LDB3: variants seen among roughly 807,000 people sequenced by gnomAD.
LDB3 encodes LIM domain-binding protein 3.
Under a neutral mutation model 69.0 loss-of-function variants are expected in LDB3, and 49 were observed. That is an observed-to-expected ratio of 0.71 (90% CI 0.56 to 0.90). The LOEUF (loss-of-function observed/expected upper bound fraction) is 0.90, where lower values mean the gene tolerates loss of function less well. Among genes scored for constraint, LDB3 ranks in the 40% least tolerant of loss-of-function variants. LDB3 has a pLI of 0.00. For synonymous variants in LDB3, 387 were observed against 396.2 expected (o/e 0.98, Z 0.28); for missense variants, 928 against 974.1 (o/e 0.95, Z 0.63).
chr10:86,674,458 G>T (rs1462508906), intron 2 of LDB3, among the ~76,000 whole-genome samples: 1 of 152,148 alleles, frequency 6.6e-6, no homozygotes, highest in South Asian at 2.1e-4. Flanking sequence ...CCTTGGCCCA[G>T]CAAGGCGGAA....
chr10:86,678,327 A>ATGTC, intron 2 of LDB3, among the ~76,000 whole-genome samples: 1 of 139,526 alleles, frequency 7.2e-6, no homozygotes, highest in African/African-American at 2.7e-5. Flanking sequence ...ATGAGCCACC[A>ATGTC]CACCTGGCCA....
rs776688376 is a variant in LDB3, at chr10:86,681,450, C to T, written c.336C>T (p.Asp112=). 16 of 1,603,798 alleles carry T rather than the reference C, an allele frequency of 1.0e-5. 1 individual carries two copies. The South Asian group carries it at 1.6e-4, about 17-fold the overall frequency. The change falls in exon 5 of 14, where the codon GAC becomes GAT. Residue 112 remains aspartate, a synonymous_variant. Transcript: ENST00000361373. ...VIPHQKDPAL[D]TNGSLVAPSP... ...CCCTGTGCCAGGACCCCGCTCTGGACACGAACGGCAGCCTGGTGGCACCCA... is the reference window on the plus strand; with the variant it reads ...CCCTGTGCCAGGACCCCGCTCTGGATACGAACGGCAGCCTGGTGGCACCCA...
At chr10:86,690,541 G>C (rs897616502) in intron 5 of LDB3, among the ~76,000 whole-genome samples, 2 of 152,204 alleles carry the variant, frequency 1.3e-5, no homozygotes, top group South Asian at 2.1e-4. Flanking sequence ...ACCCAACCTC[G>C]ATCACCTTTC....
At chr10:86,667,817 A>T (rs1844239385), upstream of LDB3, among the ~76,000 whole-genome samples, 1 of 152,220 alleles carries the variant, frequency 6.6e-6, no homozygotes, top group Non-Finnish European at 1.5e-5. Flanking sequence ...CCAGCTGCCC[A>T]GGACCAGGGC....
At position 86,716,784 on chromosome 10, in the gene LDB3, T is replaced by A; in HGVS notation, c.1676+13T>A. On this transcript the variant is annotated intron_variant, in intron 10 of 13. Coordinates refer to ENST00000361373, the MANE Select transcript of LDB3 (RefSeq NM_007078.3). The stretch of plus-strand genomic sequence containing the variant: ...ACAATGTCATCCGGTATGGTCCAGC[T>A]GTGCCCCTGCACTGGGGCACTGGAA... 6.3e-7 allele frequency: 1 copy of A among 1,595,824 alleles called. No homozygotes were observed. Among genetic ancestry groups the A allele is most frequent in the Non-Finnish European group, 8.5e-7 (1 of 1,171,722 alleles).
At chr10:86,685,978 G>T (rs1420415692) in intron 5 of LDB3, among the ~76,000 whole-genome samples, 1 of 152,154 alleles carries the variant, frequency 6.6e-6, no homozygotes, top group Non-Finnish European at 1.5e-5. Context: ...TGGTGACGGT[G>T]GCGGGCGCAG....
chr10:86,672,387 C>T (rs1309144224), intron 2 of LDB3, among the ~76,000 whole-genome samples: 3 of 152,218 alleles, frequency 2.0e-5, no homozygotes, highest in Non-Finnish European at 2.9e-5. Flanking sequence ...TTATCAGACT[C>T]TCCCAGCTGT....
chr10:86,714,455 G>A (rs536465603), intron 9 of LDB3, among the ~76,000 whole-genome samples: 1 of 152,160 alleles, frequency 6.6e-6, no homozygotes. Context: ...GACCTCAAGT[G>A]TAAAGAGGGA....
chr10:86,692,169 C>G, intron 6 of LDB3, 104 bp downstream of exon 6: 1 of 1,337,310 alleles, frequency 7.5e-7, no homozygotes, highest in Non-Finnish European at 1.0e-6. Context: ...GCTACCTGCC[C>G]TTGAAGGTGG....
intron 9 of LDB3, among the ~76,000 whole-genome samples, chr10:86,714,656 C>A (rs1450892208): frequency 6.6e-6 from 1 of 150,698 alleles, no homozygotes; most frequent in African/African-American, 2.4e-5. Flanking sequence ...CCTGGGTTCA[C>A]GCCATTCTCC....
rs1002373555 is a variant in LDB3, at chr10:86,685,164, C to T, written c.689+3361C>T. On this transcript the variant is annotated intron_variant, in intron 5 of 13. Coordinates refer to ENST00000361373, the MANE Select transcript of LDB3 (RefSeq NM_007078.3). ...AGGTTTGGGGGGGCATAGGAAACCCCGCGCACACCCTGCCTCCTTACCACT... is the reference window on the plus strand; with the variant it reads ...AGGTTTGGGGGGGCATAGGAAACCCTGCGCACACCCTGCCTCCTTACCACT... Among the ~76,000 whole-genome samples, 9 of 152,252 alleles carry T rather than the reference C, an allele frequency of 5.9e-5. No individual in the cohort carries two copies. The East Asian group carries it at 1.2e-3, about 20-fold the overall frequency.
intron 4 of LDB3, among the ~76,000 whole-genome samples, chr10:86,680,460 G>A (rs1176670527): frequency 2.6e-5 from 4 of 152,204 alleles, no homozygotes; most frequent in South Asian, 4.1e-4. Context: ...CCCAGGAGAG[G>A]GGTCACCCTC....
At chr10:86,718,571 A>C (rs911554652) in intron 11 of LDB3, among the ~76,000 whole-genome samples, 156 bp from the exon 12 acceptor site, 3 of 151,978 alleles carry the variant, frequency 2.0e-5, no homozygotes, top group Non-Finnish European at 4.4e-5. Context: ...CTTCTCTGAC[A>C]CCCCTGGGTC....
rs201538257 is a variant in LDB3, at chr10:86,681,722, C to T, written c.608C>T (p.Ser203Leu). The T allele has an allele frequency of 1.7e-5, 27 of 1,611,482 alleles. No homozygotes were observed. The highest frequency in any genetic ancestry group is 5.0e-5 in the Admixed American group (3 of 59,798). The change falls in exon 5 of 14, where the codon TCG (serine) becomes TTG (leucine). Residue 203 changes from serine to leucine, a missense_variant. Transcript: ENST00000361373. ...RQYNNPIGLY[S>L]AETLREMAQM... is the part of the protein sequence containing the mutation. ...TATAACAACCCCATTGGCCTGTACTCGGCAGAGACCCTGAGGGAGATGGCT... is the reference window on the plus strand; with the variant it reads ...TATAACAACCCCATTGGCCTGTACTTGGCAGAGACCCTGAGGGAGATGGCT...
At position 86,681,715 on chromosome 10, in the gene LDB3, C is replaced by T. The variant is rs1489832288; in HGVS notation, c.601C>T (p.Leu201=). 3 of 1,612,446 alleles carry T rather than the reference C, an allele frequency of 1.9e-6. No homozygotes were observed. Among genetic ancestry groups the T allele is most frequent in the East Asian group, 2.2e-5 (1 of 44,818 alleles). ...GAGGCAATATAACAACCCCATTGGC[C>T]TGTACTCGGCAGAGACCCTGAGGGA... is the stretch of plus-strand genomic sequence containing the variant. ...QPRQYNNPIG[L]YSAETLREMA... is the part of the protein sequence containing the mutation. The change falls in exon 5 of 14, where the codon CTG becomes TTG. Residue 201 remains leucine, a synonymous_variant. Transcript: ENST00000361373.
At chr10:86,704,133 A>C (rs978342156) in intron 7 of LDB3, among the ~76,000 whole-genome samples, 15 of 151,958 alleles carry the variant, frequency 9.9e-5, no homozygotes, top group African/African-American at 3.6e-4. Flanking sequence ...AAGAGAAAAA[A>C]AAAAAAAGAA....
chr10:86,716,662 C>T lies in LDB3; in HGVS notation c.1567C>T (p.Pro523Ser). The change falls in exon 10 of 14, where the codon CCA (proline) becomes TCA (serine). Residue 523 changes from proline to serine, a missense_variant. Pro to Ser is a moderately conservative substitution (Grantham distance 74). Coordinates refer to ENST00000361373, the MANE Select transcript of LDB3 (RefSeq NM_007078.3). ...GCCCCGGGGAGGCCCAGCCTACACC[C>T]CAGCGGGTCCTCAGGTGCCACCACT... ...TLPRGGPAYT[P>S]AGPQVPPLAR... 6.2e-7 allele frequency: 1 copy of T among 1,614,016 alleles called. No homozygotes were observed. Among genetic ancestry groups the T allele is most frequent in the Non-Finnish European group, 8.5e-7 (1 of 1,180,002 alleles).
intron 13 of LDB3, among the ~76,000 whole-genome samples, chr10:86,729,906 T>C (rs1314147130): frequency 6.6e-6 from 1 of 152,218 alleles, no homozygotes; most frequent in African/African-American, 2.4e-5. Flanking sequence ...ATTGACAGGC[T>C]GACTCATTCC....
intron 5 of LDB3, among the ~76,000 whole-genome samples, chr10:86,686,221 A>G (rs1845459830): frequency 6.6e-6 from 1 of 152,182 alleles, no homozygotes; most frequent in Non-Finnish European, 1.5e-5. Context: ...CATTCCCTGA[A>G]GCGTCTGGAA....
Sources: gnomAD v4.1 joint callset for allele counts (sites outside exome capture counted in the v4.1 genomes callset) on GRCh38, gnomAD v4.1.1 for gene constraint, MANE v1.5 for transcripts, NCBI Gene and HGNC (gene_info 2026-07-23, HGNC 2026-07-21) for gene names.